LRMDA: variants seen among roughly 807,000 people sequenced by gnomAD.
LRMDA encodes leucine rich melanocyte differentiation associated.
A neutral mutation model predicts 29.8 loss-of-function variants in LRMDA; 18 were observed. That is an observed-to-expected ratio of 0.60 (90% confidence interval 0.42 to 0.90). The LOEUF (loss-of-function observed/expected upper bound fraction) is 0.90. Among genes scored for constraint, LRMDA ranks in the 40% least tolerant of loss-of-function variants. LRMDA has a pLI of 0.00. For synonymous variants in LRMDA, 125 were observed against 109.4 expected (o/e 1.14, Z -0.89); for missense variants, 273 against 273.9 (o/e 1.00, Z 0.02).
At chr10:76,014,622 G>T (rs531407558) in intron 2 of LRMDA, among the ~76,000 whole-genome samples, 1 of 152,300 alleles carries the variant, frequency 6.6e-6, no homozygotes, top group African/African-American at 2.4e-5. Flanking sequence ...TCAGCTTGGA[G>T]AACTCAAAAA....
chr10:76,465,831 C>A (rs552831435), intron 6 of LRMDA, among the ~76,000 whole-genome samples: 1 of 152,074 alleles, frequency 6.6e-6, no homozygotes, highest in South Asian at 2.1e-4. Context: ...CTCCCCTCCC[C>A]TTGTAGGTGG....
intron 6 of LRMDA, among the ~76,000 whole-genome samples, chr10:76,549,818 A>G (rs778234292): frequency 2.6e-5 from 4 of 152,218 alleles, no homozygotes; most frequent in Non-Finnish European, 5.9e-5. Flanking sequence ...TATATTGAAA[A>G]CCACACAAAT....
chr10:76,029,575 G>A (rs1022580480), intron 2 of LRMDA, among the ~76,000 whole-genome samples: 3 of 152,150 alleles, frequency 2.0e-5, no homozygotes, highest in African/African-American at 7.2e-5. Flanking sequence ...ATAACCTCAT[G>A]TATCCAAAAT....
At chr10:76,269,894 G>T (rs533856878) in intron 5 of LRMDA, among the ~76,000 whole-genome samples, 1 of 152,310 alleles carries the variant, frequency 6.6e-6, no homozygotes, top group African/African-American at 2.4e-5. Context: ...TGTATTGTCT[G>T]ATACCTGTTT....
At chr10:76,326,930 T>A (rs745582870) in intron 6 of LRMDA, among the ~76,000 whole-genome samples, 1 of 152,118 alleles carries the variant, frequency 6.6e-6, no homozygotes, top group African/African-American at 2.4e-5. Flanking sequence ...CTGATCTGAG[T>A]TATGTTGATT....
At chr10:76,164,129 T>C (rs879350176) in intron 5 of LRMDA, among the ~76,000 whole-genome samples, 4 of 152,026 alleles carry the variant, frequency 2.6e-5, no homozygotes, top group Non-Finnish European at 4.4e-5. Context: ...TGTTTGATTT[T>C]TTTTTCCGAT....
chr10:76,091,276 CGTGTGTGTGTGTGT>C lies in LRMDA; in HGVS notation c.516+32522_516+32535del, dbSNP rs56145957. 9.2e-3 allele frequency among the ~76,000 whole-genome samples: 1,355 copies of C among 146,730 alleles called. 10 individuals carry two copies. Among genetic ancestry groups the C allele is most frequent in the Non-Finnish European group, 0.011 (732 of 66,384 alleles). ...GTTCTCCTGAAATAAACATGGTGGA[CGTGTGTGTGTGTGT>C]GTGTGTGTGTGTGTGTGTGTGTGTG... On this transcript the variant is annotated intron_variant, in intron 5 of 6. Coordinates refer to ENST00000611255, the MANE Select transcript of LRMDA (RefSeq NM_001305581.2).
intron 2 of LRMDA, among the ~76,000 whole-genome samples, chr10:75,515,546 G>T (rs1328112944): frequency 6.6e-6 from 1 of 151,702 alleles, no homozygotes; most frequent in Non-Finnish European, 1.5e-5. Flanking sequence ...CTAAGTTTTT[G>T]GATTTTTATT....
At chr10:75,500,962 C>G (rs1251738038) in intron 2 of LRMDA, among the ~76,000 whole-genome samples, 1 of 152,156 alleles carries the variant, frequency 6.6e-6, no homozygotes, top group African/African-American at 2.4e-5. Context: ...ATTCTGCAAC[C>G]TGTTGTCAGT....
intron 2 of LRMDA, among the ~76,000 whole-genome samples, chr10:75,955,569 A>C (rs1299978361): frequency 1.3e-5 from 2 of 152,232 alleles, no homozygotes; most frequent in African/African-American, 4.8e-5. Context: ...ACCATTACCT[A>C]GCTGTGAGAC....
At chr10:75,981,124 A>G (rs1429274592) in intron 2 of LRMDA, among the ~76,000 whole-genome samples, 1 of 152,122 alleles carries the variant, frequency 6.6e-6, no homozygotes, top group Non-Finnish European at 1.5e-5. Context: ...TACATTCTTA[A>G]CTTTTGAAAT....
intron 2 of LRMDA, among the ~76,000 whole-genome samples, chr10:75,549,014 A>G (rs1840112224): frequency 1.3e-5 from 2 of 152,108 alleles, no homozygotes; most frequent in South Asian, 2.1e-4. Flanking sequence ...GCATCCACCA[A>G]TTCAACCAAC....
intron 2 of LRMDA, among the ~76,000 whole-genome samples, chr10:76,018,801 C>T (rs1847923381): frequency 6.6e-6 from 1 of 152,080 alleles, no homozygotes; most frequent in African/African-American, 2.4e-5. Context: ...CTCTTTACCT[C>T]GTGATCCACC....
chr10:75,577,505 G>T lies in LRMDA; in HGVS notation c.131+139011G>T, dbSNP rs1335731466. ...AGGAGAACTTCTCCAACCTAGTAAG[G>T]CAGGCCAACATTCAATTCGGAAATA... On this transcript the variant is annotated intron_variant, in intron 2 of 6. Coordinates refer to ENST00000611255, the MANE Select transcript of LRMDA (RefSeq NM_001305581.2). Among the ~76,000 whole-genome samples, 3 of 152,188 alleles carry T rather than the reference G, an allele frequency of 2.0e-5. No individual in the cohort carries two copies. In the East Asian group the frequency reaches 5.8e-4, roughly 29 times the overall value.
At chr10:76,462,077 C>CA (rs1554822382) in intron 6 of LRMDA, among the ~76,000 whole-genome samples, 49,383 of 121,556 alleles carry the variant, frequency 0.41, 10,002 homozygotes, top group Middle Eastern at 0.5. Context: ...AAAAAAAAAA[C>CA]CACACACACA....
chr10:75,930,974 A>G (rs953643019), intron 2 of LRMDA, among the ~76,000 whole-genome samples: 3 of 152,208 alleles, frequency 2.0e-5, no homozygotes, highest in African/African-American at 4.8e-5. Flanking sequence ...CCAGGGACAG[A>G]TAGACTACAA....
chr10:76,022,738 C>A (rs1004057139), intron 2 of LRMDA, among the ~76,000 whole-genome samples: 11 of 152,124 alleles, frequency 7.2e-5, no homozygotes, highest in Non-Finnish European at 1.2e-4. Flanking sequence ...CTATTTTATT[C>A]ATCCTAGGCC....
chr10:76,441,388 G>C (rs1442952862), intron 6 of LRMDA, among the ~76,000 whole-genome samples: 3 of 152,154 alleles, frequency 2.0e-5, no homozygotes, highest in Non-Finnish European at 2.9e-5. Flanking sequence ...GAAACCTCGA[G>C]AAAATTACTG....
chr10:75,593,763 C>T lies in LRMDA; in HGVS notation c.131+155269C>T, dbSNP rs139842313. ...GTTCACGTCAGGGGCTATGTGGATC[C>T]TGTCGCCCTTATTTCCTGGCCAGCT... On this transcript the variant is annotated intron_variant, in intron 2 of 6. Coordinates refer to ENST00000611255, the MANE Select transcript of LRMDA (RefSeq NM_001305581.2). 8.0e-4 allele frequency among the ~76,000 whole-genome samples: 122 copies of T among 152,120 alleles called. 3 individuals carry two copies. The East Asian group carries it at 0.016, about 20-fold the overall frequency.
Sources: allele counts gnomAD v4.1 joint callset (sites outside exome capture counted in the v4.1 genomes callset), GRCh38; gene constraint gnomAD v4.1.1; transcripts MANE v1.5; gene names NCBI Gene and HGNC (gene_info 2026-07-23, HGNC 2026-07-21).